HK2: variants seen among roughly 807,000 people sequenced by gnomAD.
HK2 encodes hexokinase 2.
In HK2, 42 loss-of-function variants were observed where a neutral mutation model predicts 92.9. The ratio of observed to expected loss-of-function variants is 0.45; its 90% confidence interval spans 0.35 to 0.58. HK2 has a LOEUF of 0.58. Among genes scored for constraint, HK2 ranks in the 20% least tolerant of loss-of-function variants. The pLI is 0.00. For synonymous variants in HK2, 422 were observed against 468.0 expected, an observed-to-expected ratio of 0.90 and a Z score of 1.27; for missense variants, 978 against 1,245.1, an observed-to-expected ratio of 0.79 and a Z score of 3.23.
At chr2:74,857,910 T>TG (rs1472467793) in intron 2 of HK2, among the ~76,000 whole-genome samples, 1 of 152,170 alleles carries the variant, frequency 6.6e-6, no homozygotes, top group African/African-American at 2.4e-5. Context: ...CCGCTGCTGC[T>TG]GGGGGTGAAG....
At chr2:74,873,989 G>C (rs1323907110) in intron 6 of HK2, 46 bp downstream of exon 6, 1 of 1,442,322 alleles carries the variant, frequency 6.9e-7, no homozygotes, top group East Asian at 2.3e-5. Flanking sequence ...CCAAGGGATG[G>C]GGGTGTGGGC....
chr2:74,870,693 C>T (rs1242575574), intron 3 of HK2, among the ~76,000 whole-genome samples: 1 of 151,612 alleles, frequency 6.6e-6, no homozygotes, highest in African/African-American at 2.4e-5. Flanking sequence ...CCCGACAGAA[C>T]AGAATTTGCT....
chr2:74,884,917 T>C (rs1323109824), intron 12 of HK2, among the ~76,000 whole-genome samples: 2 of 152,136 alleles, frequency 1.3e-5, no homozygotes, highest in Non-Finnish European at 2.9e-5. Context: ...CTGAAAGACA[T>C]GGGGTGGTGG....
At chr2:74,852,730 G>T (rs1427810927) in intron 1 of HK2, among the ~76,000 whole-genome samples, 5 of 152,148 alleles carry the variant, frequency 3.3e-5, no homozygotes, top group Non-Finnish European at 7.4e-5. Context: ...GTTATCTGAT[G>T]CTTCTCATTC....
chr2:74,882,671 C>T (rs1318295931), intron 12 of HK2, among the ~76,000 whole-genome samples: 1 of 140,248 alleles, frequency 7.1e-6, no homozygotes, highest in African/African-American at 2.6e-5. Flanking sequence ...GGTTTCTTAC[C>T]TGCATTATCT....
At chr2:74,882,334 C>T in intron 12 of HK2, 95 bp downstream of exon 12, 1 of 1,590,542 alleles carries the variant, frequency 6.3e-7, no homozygotes, top group Non-Finnish European at 8.6e-7. Context: ...TGAGCTAAGA[C>T]TAAGGAAAGG....
chr2:74,859,138 T>C (rs900954320), intron 2 of HK2, among the ~76,000 whole-genome samples: 3 of 152,278 alleles, frequency 2.0e-5, no homozygotes, highest in African/African-American at 7.2e-5. Context: ...ATCTATATTT[T>C]ACTTGGTTTG....
Position 74,880,349 on chromosome 2 carries a change from C to T in HK2, c.1350C>T (p.Gly450=), listed in dbSNP as rs371873156. 1 of 1,614,204 alleles carries T rather than the reference C, an allele frequency of 6.2e-7. No homozygotes were observed. Reference sequence around the variant, plus strand: ...TCCTCCGCTCCGAGGATGGCAGTGGCAAAGGTGCAGCCATGGTGACAGCAG... The same window carrying T: ...TCCTCCGCTCCGAGGATGGCAGTGGTAAAGGTGCAGCCATGGTGACAGCAG... ...VRFLRSEDGS[G]KGAAMVTAVA... is the part of the protein sequence containing the mutation. The change falls in exon 10 of 18, where the codon GGC becomes GGT. Residue 450 remains glycine, a synonymous_variant. Coordinates refer to ENST00000290573, the MANE Select transcript of HK2 (RefSeq NM_000189.5).
At chr2:74,846,279 G>A (rs1270114029) in intron 1 of HK2, among the ~76,000 whole-genome samples, 2 of 151,802 alleles carry the variant, frequency 1.3e-5, no homozygotes, top group Non-Finnish European at 2.9e-5. Context: ...CTTTGACTGT[G>A]TATAGTGGGT....
intron 2 of HK2, among the ~76,000 whole-genome samples, chr2:74,865,524 T>C (rs1688924902): frequency 1.3e-5 from 2 of 152,026 alleles, no homozygotes; most frequent in South Asian, 4.1e-4. Context: ...CCACGTTGTG[T>C]TTCCTAGAAT....
intron 1 of HK2, among the ~76,000 whole-genome samples, chr2:74,850,933 T>C (rs1208631033): frequency 1.3e-5 from 2 of 152,116 alleles, no homozygotes; most frequent in African/African-American, 4.8e-5. Context: ...GTTTTGAGAG[T>C]TCAAAGAGCT....
chr2:74,834,218 C>T lies in HK2; in HGVS notation c.-363C>T, dbSNP rs1688087947. 1 of 387,136 alleles carries T rather than the reference C, an allele frequency of 2.6e-6. No individual in the cohort carries two copies. The allele number at this position is 387,136 out of a possible 1,614,324, so 24.0% of individuals were successfully genotyped here. A position where few individuals can be genotyped will look rare whatever the true frequency, so the allele number is the denominator to read the frequency against. On this transcript the variant is annotated 5_prime_UTR_variant, in exon 1 of 18. The change creates a new upstream start codon in the 5' untranslated region. Transcript: ENST00000290573. This position sits in a 1 kb window ranked among gnomAD's most constrained non-coding sequence, Gnocchi z 4.2. ...TAAGAAAATCCGCGGGCCCGAGCCA[C>T]GCGCCTGTGAATCGGAGAGGTCCCA...
rs552890644 is a variant in HK2, at chr2:74,856,370, T to A, written c.226+1915T>A. On this transcript the variant is annotated intron_variant, in intron 2 of 17. Coordinates refer to ENST00000290573, the MANE Select transcript of HK2 (RefSeq NM_000189.5). ...GGGTATGACCTTGCTTAGGATTGTT[T>A]CCTGAGTGTGTTTCTTGGCCCTTCA... 6.6e-5 allele frequency among the ~76,000 whole-genome samples: 10 copies of A among 152,294 alleles called. No individual in the cohort carries two copies. The South Asian group carries it at 2.1e-3, about 32-fold the overall frequency.
intron 1 of HK2, among the ~76,000 whole-genome samples, chr2:74,851,526 C>T (rs192529712): frequency 0.012 from 1,869 of 152,246 alleles, 80 homozygotes; most frequent in Admixed American, 0.081. Context: ...GATTGGCTGT[C>T]GTAGAATTTG....
intron 1 of HK2, among the ~76,000 whole-genome samples, chr2:74,846,590 A>G (rs1017222448): frequency 1.3e-5 from 2 of 152,184 alleles, no homozygotes; most frequent in African/African-American, 2.4e-5. Flanking sequence ...AGATTCATCT[A>G]TGTGGTTGCA....
chr2:74,885,855 C>T (rs1252486059), intron 13 of HK2, among the ~76,000 whole-genome samples: 1 of 147,106 alleles, frequency 6.8e-6, no homozygotes, highest in Non-Finnish European at 1.5e-5. Flanking sequence ...AACACACACA[C>T]ACACACACAC....
intron 1 of HK2, among the ~76,000 whole-genome samples, chr2:74,848,371 CAA>C (rs1269121249): frequency 6.6e-6 from 1 of 152,334 alleles, no homozygotes; most frequent in African/African-American, 2.4e-5. Flanking sequence ...ATATTAATCA[CAA>C]AATTTACCAT....
At chr2:74,835,864 C>A (rs1490955347) in intron 1 of HK2, among the ~76,000 whole-genome samples, 1 of 152,104 alleles carries the variant, frequency 6.6e-6, no homozygotes, top group Non-Finnish European at 1.5e-5. Flanking sequence ...TTGCCATTAC[C>A]GTTCTGTGCG....
chr2:74,867,573 G>T, intron 2 of HK2, 63 bp from the exon 3 acceptor site: 1 of 1,596,450 alleles, frequency 6.3e-7, no homozygotes, highest in Non-Finnish European at 8.6e-7. Context: ...GGAGTTTTAA[G>T]TCTCGGTTGG....
Sources: allele counts gnomAD v4.1 joint callset (sites outside exome capture counted in the v4.1 genomes callset), GRCh38; gene constraint gnomAD v4.1.1; non-coding constraint Gnocchi (gnomAD v3.1); transcripts MANE v1.5; gene names NCBI Gene and HGNC (gene_info 2026-07-23, HGNC 2026-07-21).